PLAC1: variants seen among roughly 807,000 people sequenced by gnomAD.
PLAC1 encodes the protein placenta-specific protein 1.
For missense variants in PLAC1, 136 were observed against 163.2 expected (o/e 0.83, Z 0.91); for synonymous variants, 68 against 62.1 (o/e 1.09, Z -0.44).
At chrX:134,574,333 G>A (rs1173217164) in intron 2 of PLAC1, among the ~76,000 whole-genome samples, 1 of 112,157 alleles carries the variant, frequency 8.9e-6, no homozygotes, top group African/African-American at 3.2e-5. Flanking sequence ...ATTAATGAAT[G>A]ACCACCAGAA....
chrX:134,573,384 C>T (rs942163472), intron 2 of PLAC1, among the ~76,000 whole-genome samples: 5 of 111,684 alleles, frequency 4.5e-5, no homozygotes, highest in Non-Finnish European at 9.4e-5. Flanking sequence ...AGAGTCCCTT[C>T]TCATTTTAAA....
chrX:134,643,314 T>C (rs1480413714), intron 1 of PLAC1, among the ~76,000 whole-genome samples: 2 of 111,553 alleles, frequency 1.8e-5, no homozygotes, highest in Non-Finnish European at 3.8e-5. Context: ...ACACAAGTAG[T>C]CTTTAAAGGT....
intron 2 of PLAC1, among the ~76,000 whole-genome samples, chrX:134,673,135 T>C (rs886775798): frequency 9.1e-6 from 1 of 110,081 alleles, no homozygotes. Context: ...CAGGCTAAAG[T>C]ATTTTTAAAA....
In PLAC1 at chrX:134,731,670, T is replaced by C. The variant is rs1036581657; in HGVS notation, n.174+1765A>G. Among the ~76,000 whole-genome samples, 66 of 111,396 alleles carry C rather than the reference T, an allele frequency of 5.9e-4. 1 individual carries two copies. The highest frequency in any genetic ancestry group is 1.7e-4 in the Non-Finnish European group (9 of 53,069). On this transcript the variant is annotated intron_variant and non_coding_transcript_variant, in intron 2 of 2. Transcript: ENST00000466797. ...GACTGGAGACTCAGTGTGGTCTATT[T>C]GGTGGGATTTCTGGGGCATTGGGAA...
intron 1 of PLAC1, among the ~76,000 whole-genome samples, chrX:134,748,432 G>A (rs1240478742): frequency 1.8e-5 from 2 of 110,626 alleles, no homozygotes; most frequent in Non-Finnish European, 3.8e-5. Context: ...CTTCAGATCT[G>A]TAAACCCAAC....
chrX:134,580,268 C>A (rs1210594160), intron 2 of PLAC1, among the ~76,000 whole-genome samples: 1 of 111,874 alleles, frequency 8.9e-6, no homozygotes, highest in East Asian at 2.8e-4. Flanking sequence ...CTGAGATTCC[C>A]GCAGAAAGAA....
intron 2 of PLAC1, among the ~76,000 whole-genome samples, chrX:134,600,421 C>G (rs184744588): frequency 8.9e-6 from 1 of 112,148 alleles, no homozygotes; most frequent in East Asian, 2.8e-4. Flanking sequence ...CCCACCTTGG[C>G]CTCCCAAAGT....
At chrX:134,672,414 T>G (rs2078458734) in intron 2 of PLAC1, among the ~76,000 whole-genome samples, 1 of 111,854 alleles carries the variant, frequency 8.9e-6, no homozygotes, top group Non-Finnish European at 1.9e-5. Context: ...CTTGTGTACT[T>G]CCTTGTATAC....
At chrX:134,585,430 A>T (rs2077995696) in intron 2 of PLAC1, among the ~76,000 whole-genome samples, 1 of 110,849 alleles carries the variant, frequency 9.0e-6, no homozygotes, top group South Asian at 3.8e-4. Context: ...CCACATTCAC[A>T]TCATCTCTGC....
rs764778317 is a variant in PLAC1, at chrX:134,589,583, C to T, written c.-59+12468G>A. 3.5e-3 allele frequency among the ~76,000 whole-genome samples: 384 copies of T among 109,040 alleles called. 1 individual carries two copies. Among genetic ancestry groups the T allele is most frequent in the Non-Finnish European group, 5.3e-3 (277 of 52,449 alleles). 94.7% of individuals were successfully genotyped at this position (109,040 alleles called of 115,157 possible). On this transcript the variant is annotated intron_variant, in intron 2 of 2. Transcript: ENST00000359237. ...CTTTACTAAAAATACAAAAATTAGC[C>T]GGGCGTGGTGGGGCATGCCTCTACT... is the stretch of plus-strand genomic sequence containing the variant.
intron 2 of PLAC1, among the ~76,000 whole-genome samples, chrX:134,701,314 G>T (rs765933026): frequency 9.0e-6 from 1 of 111,305 alleles, no homozygotes; most frequent in Non-Finnish European, 1.9e-5. Flanking sequence ...TTAAATGCAA[G>T]ACCACATACT....
At position 134,730,040 on chromosome X, in the gene PLAC1, C is replaced by T. The variant is rs1343769780; in HGVS notation, n.174+3395G>A. 2.7e-5 allele frequency among the ~76,000 whole-genome samples: 3 copies of T among 111,630 alleles called. 1 individual carries two copies. The highest frequency in any genetic ancestry group is 5.6e-5 in the Non-Finnish European group (3 of 53,153). On this transcript the variant is annotated intron_variant and non_coding_transcript_variant, in intron 2 of 2. Transcript: ENST00000466797. ...TCCTGACCTCAAGTGATCCACTTGCCTCAGTCTCCCAAAGTGCTGGGATTA... is the reference window on the plus strand; with the variant it reads ...TCCTGACCTCAAGTGATCCACTTGCTTCAGTCTCCCAAAGTGCTGGGATTA...
intron 2 of PLAC1, among the ~76,000 whole-genome samples, chrX:134,721,138 C>A (rs913087209): frequency 8.9e-6 from 1 of 112,683 alleles, no homozygotes; most frequent in Non-Finnish European, 1.9e-5. Flanking sequence ...GGCAAAGAAT[C>A]TGAAGAGTCA....
intron 1 of PLAC1, among the ~76,000 whole-genome samples, chrX:134,621,525 T>C (rs1390250034): frequency 9.1e-6 from 1 of 110,100 alleles, no homozygotes; most frequent in Non-Finnish European, 1.9e-5. Flanking sequence ...TTAGTCCTGT[T>C]TTCTCCTTGT....
At chrX:134,687,383 T>A (rs1353517584) in intron 2 of PLAC1, among the ~76,000 whole-genome samples, 1 of 110,836 alleles carries the variant, frequency 9.0e-6, no homozygotes, top group Non-Finnish European at 1.9e-5. Flanking sequence ...CTTACGAGTT[T>A]TTGTGTGTGT....
chrX:134,714,105 G>T (rs1166179280), intron 2 of PLAC1, among the ~76,000 whole-genome samples: 1 of 111,956 alleles, frequency 8.9e-6, no homozygotes, highest in Non-Finnish European at 1.9e-5. Flanking sequence ...CCTCAGGCCA[G>T]TCCAAATTAC....
At chrX:134,748,186 C>T (rs946759023) in intron 1 of PLAC1, among the ~76,000 whole-genome samples, 8 of 110,561 alleles carry the variant, frequency 7.2e-5, no homozygotes, top group Non-Finnish European at 1.3e-4. Context: ...AAAAATTAGC[C>T]GGGCATGGTG....
At chrX:134,570,689 T>G (rs2077903674) in intron 2 of PLAC1, among the ~76,000 whole-genome samples, 1 of 111,962 alleles carries the variant, frequency 8.9e-6, no homozygotes, top group Non-Finnish European at 1.9e-5. Context: ...AACTGAGCTA[T>G]AGAGAGGTCA....
At chrX:134,742,456 C>T (rs1173963915) in intron 1 of PLAC1, among the ~76,000 whole-genome samples, 1 of 111,870 alleles carries the variant, frequency 8.9e-6, no homozygotes, top group Non-Finnish European at 1.9e-5. Flanking sequence ...GGCATGGTGG[C>T]GCATGCCTGT....
Sources: gnomAD v4.1 joint callset for allele counts (sites outside exome capture counted in the v4.1 genomes callset) on GRCh38, gnomAD v4.1.1 for gene constraint, MANE v1.5 for transcripts, NCBI Gene and HGNC (gene_info 2026-07-23, HGNC 2026-07-21) for gene names.